The following C12orf54 variants were observed in gnomAD, a reference collection of about 807,000 sequenced individuals.
C12orf54 encodes chromosome 12 open reading frame 54.
Under a neutral mutation model 26.4 loss-of-function variants are expected in C12orf54, and 24 were observed. The observed-to-expected ratio is 0.91, with a 90% CI of 0.66 to 1.28. The LOEUF is 1.28. Among genes scored for constraint, C12orf54 ranks in the 50% most tolerant of loss-of-function variants. The pLI, the probability that C12orf54 is intolerant of heterozygous loss-of-function variation, is 0.00. For missense variants in C12orf54, 154 were observed against 150.9 expected (o/e 1.02, Z -0.11); for synonymous variants, 54 against 47.0 (o/e 1.15, Z -0.61).
chr12:48,477,395 T>A, the C12orf54 span, among the ~76,000 whole-genome samples: 1 of 151,874 alleles, frequency 6.6e-6, no homozygotes, highest in African/African-American at 2.4e-5. Context: ...ATAACAAAGA[T>A]CAGAGCAGAA....
At chr12:48,486,148 C>A (rs1309645625) in intron 2 of C12orf54, 30 bp from the exon 3 acceptor site, 2 of 1,594,166 alleles carry the variant, frequency 1.3e-6, no homozygotes, top group East Asian at 2.2e-5. Context: ...CTGTGCTCCT[C>A]ATCAGGTTTA....
At chr12:48,492,886 C>A (rs996439571) in intron 6 of C12orf54, 61 bp from the exon 7 acceptor site, 12 of 1,447,402 alleles carry the variant, frequency 8.3e-6, no homozygotes, top group Non-Finnish European at 1.1e-5. Context: ...GTGAGCTGGG[C>A]AGCTGGGGAG....
chr12:48,467,801 T>C, the C12orf54 span, among the ~76,000 whole-genome samples: 2 of 152,324 alleles, frequency 1.3e-5, no homozygotes, highest in East Asian at 3.9e-4. Context: ...GCATGTCAAT[T>C]ATACCTCAAT....
chr12:48,476,342 G>A, the C12orf54 span, among the ~76,000 whole-genome samples: 4 of 151,898 alleles, frequency 2.6e-5, no homozygotes, highest in African/African-American at 7.3e-5. Flanking sequence ...ATCAACTAAC[G>A]AGCAAAATAA....
At chr12:48,429,991 A>G in the C12orf54 span, among the ~76,000 whole-genome samples, 1 of 152,250 alleles carries the variant, frequency 6.6e-6, no homozygotes, top group Non-Finnish European at 1.5e-5. Context: ...AACAGAATAA[A>G]GAACCCAGAA....
the C12orf54 span, among the ~76,000 whole-genome samples, chr12:48,436,031 A>G: frequency 6.6e-6 from 1 of 152,214 alleles, no homozygotes; most frequent in Non-Finnish European, 1.5e-5. Flanking sequence ...ATGCAGAGAC[A>G]CACATAGGCT....
At chr12:48,431,639 C>A in the C12orf54 span, among the ~76,000 whole-genome samples, 4 of 152,066 alleles carry the variant, frequency 2.6e-5, no homozygotes, top group Non-Finnish European at 5.9e-5. Context: ...CTTAAAATGT[C>A]AAAGATGAGT....
the C12orf54 span, among the ~76,000 whole-genome samples, chr12:48,460,090 G>A: frequency 6.6e-6 from 1 of 152,192 alleles, no homozygotes; most frequent in Non-Finnish European, 1.5e-5. Flanking sequence ...GGGTTTAGGA[G>A]TTATCTTCCA....
chr12:48,427,704 T>C, the C12orf54 span, among the ~76,000 whole-genome samples: 1 of 151,676 alleles, frequency 6.6e-6, no homozygotes, highest in Non-Finnish European at 1.5e-5. Context: ...AGAAATGAGA[T>C]AGTAACACAA....
chr12:48,473,358 GA>G, the C12orf54 span: 1 of 1,125,094 alleles, frequency 8.9e-7, no homozygotes, highest in Non-Finnish European at 1.3e-6. Context: ...TGGTGAAGAA[GA>G]AAGGGGTCAG....
chr12:48,471,374 C>G, the C12orf54 span, among the ~76,000 whole-genome samples: 1 of 152,136 alleles, frequency 6.6e-6, no homozygotes, highest in Non-Finnish European at 1.5e-5. Context: ...GCTTCCAAAT[C>G]TTAGTAAACA....
chr12:48,433,397 T>C, the C12orf54 span, among the ~76,000 whole-genome samples: 3 of 149,098 alleles, frequency 2.0e-5, no homozygotes, highest in African/African-American at 7.4e-5. Context: ...GGATTCTCCA[T>C]TTCTTGACTC....
At position 48,490,951 on chromosome 12, in the gene C12orf54, T is replaced by C. The variant is rs573219140; in HGVS notation, c.193+115T>C. 9.6e-5 allele frequency: 125 copies of C among 1,297,732 alleles called. No individual in the cohort carries two copies. The East Asian group carries it at 2.7e-3, about 28-fold the overall frequency. 80.4% of individuals were successfully genotyped at this position (1,297,732 alleles called of 1,614,324 possible). The stretch of plus-strand genomic sequence containing the variant: ...GAAAATGGAGATAAGAAGTGAGATA[T>C]GGAGTTCATCCCAAAGTCTCACCCT... On this transcript the variant is annotated intron_variant, in intron 6 of 8. Transcript: ENST00000548364.
At chr12:48,455,704 C>T in the C12orf54 span, among the ~76,000 whole-genome samples, 1 of 152,210 alleles carries the variant, frequency 6.6e-6, no homozygotes. Context: ...AGCTAACAGG[C>T]ACTGGAAGTC....
At chr12:48,445,850 G>C in the C12orf54 span, among the ~76,000 whole-genome samples, 1 of 152,204 alleles carries the variant, frequency 6.6e-6, no homozygotes, top group Non-Finnish European at 1.5e-5. Flanking sequence ...AGGAAGCGAA[G>C]TGATGTTGAG....
At chr12:48,468,038 C>T in the C12orf54 span, among the ~76,000 whole-genome samples, 2 of 152,058 alleles carry the variant, frequency 1.3e-5, no homozygotes, top group Admixed American at 6.6e-5. Flanking sequence ...TGAGTTCCTT[C>T]TATTTTTCAA....
At chr12:48,441,339 A>G in the C12orf54 span, among the ~76,000 whole-genome samples, 3,144 of 152,212 alleles carry the variant, frequency 0.021, 109 homozygotes, top group African/African-American at 0.071. Context: ...TTCCTAAGAC[A>G]GTAATCCCAG....
chr12:48,493,131 C>G lies in C12orf54; in HGVS notation c.242+136C>G, dbSNP rs1232316761. 7 of 739,358 alleles carry G rather than the reference C, an allele frequency of 9.5e-6. No homozygotes were observed. In the Admixed American group the frequency reaches 1.5e-4, roughly 15 times the overall value. The allele number at this position is 739,358 out of a possible 1,614,324, so 45.8% of individuals were successfully genotyped here. On this transcript the variant is annotated intron_variant, in intron 7 of 8. Coordinates refer to ENST00000548364, the MANE Select transcript of C12orf54 (RefSeq NM_152319.4). ...CTTCCAAAGGGGCAAGAAGTGCCTC[C>G]CCACCCAACTGTGTCTACTAATGGT...
intron 1 of C12orf54, 42 bp from the exon 2 acceptor site, chr12:48,483,198 C>A: frequency 9.6e-7 from 1 of 1,038,734 alleles, no homozygotes. Context: ...TTCTTCTCAC[C>A]ATGTACCTGC....
Sources: gnomAD v4.1 joint callset for allele counts (sites outside exome capture counted in the v4.1 genomes callset) on GRCh38, gnomAD v4.1.1 for gene constraint, MANE v1.5 for transcripts, NCBI Gene and HGNC (gene_info 2026-07-23, HGNC 2026-07-21) for gene names.